The following ADCY2 variants were observed in gnomAD, a reference collection of about 807,000 sequenced individuals.
ADCY2 encodes the protein adenylate cyclase 2, also known as adenylate cyclase type 2.
Under a neutral mutation model 125.2 loss-of-function variants are expected in ADCY2, and 31 were observed. The observed-to-expected ratio is 0.25, with a 90% CI of 0.19 to 0.33. The LOEUF (loss-of-function observed/expected upper bound fraction) is 0.33. Among genes scored for constraint, ADCY2 ranks in the 10% least tolerant of loss-of-function variants. The pLI is 1.00. For missense variants in ADCY2, 904 were observed against 1,418.2 expected (o/e 0.64, Z 5.82); for synonymous variants, 512 against 548.4 (o/e 0.93, Z 0.93).
At chr5:7,775,026 A>T (rs913511350) in intron 18 of ADCY2, among the ~76,000 whole-genome samples, 1 of 151,994 alleles carries the variant, frequency 6.6e-6, no homozygotes, top group East Asian at 1.9e-4. Context: ...TATTTATTTG[A>T]GGCAGAATTT....
At chr5:7,715,554 CTT>C (rs11310324) in intron 11 of ADCY2, among the ~76,000 whole-genome samples, 106 of 145,018 alleles carry the variant, frequency 7.3e-4, no homozygotes, top group East Asian at 2.0e-3. Context: ...GGATTCCTTG[CTT>C]TTTTTTTTTT....
chr5:7,777,696 C>T (rs1456870366), intron 18 of ADCY2, among the ~76,000 whole-genome samples: 1 of 152,228 alleles, frequency 6.6e-6, no homozygotes, highest in Non-Finnish European at 1.5e-5. Flanking sequence ...CTTGGCATTG[C>T]TCATGGGCAA....
At chr5:7,722,238 C>A (rs75744794) in intron 12 of ADCY2, among the ~76,000 whole-genome samples, 4 of 152,116 alleles carry the variant, frequency 2.6e-5, no homozygotes, top group African/African-American at 9.7e-5. Context: ...GATCCTGAGC[C>A]CTTGCCGTCC....
chr5:7,724,504 G>C, intron 12 of ADCY2, 41 bp from the exon 13 acceptor site: 1 of 1,464,102 alleles, frequency 6.8e-7, no homozygotes, highest in Non-Finnish European at 9.6e-7. Context: ...TGTTTGATTG[G>C]AGATTCAGTT....
At chr5:7,757,690 C>G in intron 16 of ADCY2, 104 bp downstream of exon 16, 1 of 1,483,476 alleles carries the variant, frequency 6.7e-7, no homozygotes, top group Non-Finnish European at 9.1e-7. Context: ...ATGGTAAGCC[C>G]CACACCATAG....
chr5:7,620,698 C>T (rs1737924669), intron 3 of ADCY2, among the ~76,000 whole-genome samples: 1 of 152,184 alleles, frequency 6.6e-6, no homozygotes, highest in Admixed American at 6.5e-5. Context: ...TTTCTGTAAG[C>T]CAAATTGGAT....
intron 24 of ADCY2, among the ~76,000 whole-genome samples, chr5:7,825,779 C>A (rs1745457250): frequency 6.6e-6 from 1 of 152,196 alleles, no homozygotes; most frequent in African/African-American, 2.4e-5. Context: ...GCAGCCCAAG[C>A]CCAGGCAGGC....
At chr5:7,686,452 A>G (rs1288190469) in intron 4 of ADCY2, among the ~76,000 whole-genome samples, 1 of 152,236 alleles carries the variant, frequency 6.6e-6, no homozygotes, top group Non-Finnish European at 1.5e-5. Flanking sequence ...GGGATGTGTT[A>G]AATGGAACCC....
intron 3 of ADCY2, among the ~76,000 whole-genome samples, chr5:7,538,718 A>T (rs1002338192): frequency 2.0e-5 from 3 of 152,150 alleles, no homozygotes; most frequent in African/African-American, 7.2e-5. Context: ...ATGCAACATT[A>T]TGTCAATTAG....
At chr5:7,503,944 C>T (rs1004372284) in intron 2 of ADCY2, among the ~76,000 whole-genome samples, 2 of 152,150 alleles carry the variant, frequency 1.3e-5, no homozygotes, top group Non-Finnish European at 2.9e-5. Flanking sequence ...AGCAGACACA[C>T]CCGCTCACTG....
At chr5:7,724,114 CAAAAAAAAAAAAAA>C (rs1272949604) in intron 12 of ADCY2, among the ~76,000 whole-genome samples, 1 of 76,560 alleles carries the variant, frequency 1.3e-5, no homozygotes, top group Non-Finnish European at 2.3e-5. Context: ...TAGAAGCTAA[CAAAAAAAAAAAAAA>C]AAAAAAAAAA....
chr5:7,594,071 T>G (rs2126628526), intron 3 of ADCY2, among the ~76,000 whole-genome samples: 1 of 152,264 alleles, frequency 6.6e-6, no homozygotes, highest in South Asian at 2.1e-4. Context: ...AGGCGCTGAC[T>G]TTTGCTCTGG....
At chr5:7,706,709 T>C in intron 7 of ADCY2, 35 bp from the exon 8 acceptor site, 1 of 1,608,860 alleles carries the variant, frequency 6.2e-7, no homozygotes. Flanking sequence ...ACAGTGGATG[T>C]TACTTGATCA....
intron 22 of ADCY2, among the ~76,000 whole-genome samples, chr5:7,815,249 G>A (rs1283340585): frequency 6.6e-6 from 1 of 152,190 alleles, no homozygotes; most frequent in Non-Finnish European, 1.5e-5. Context: ...CTGCTGTGGA[G>A]ACACAGATTA....
Position 7,464,649 on chromosome 5 carries a change from A to G in ADCY2, c.408+49879A>G, listed in dbSNP as rs571059286. ...GGGGTGGGGTGCAGGGCTCTCTGTTATACTCGATATGCAGTCAAAAAAGTA... is the reference window on the plus strand; with the variant it reads ...GGGGTGGGGTGCAGGGCTCTCTGTTGTACTCGATATGCAGTCAAAAAAGTA... On this transcript the variant is annotated intron_variant, in intron 2 of 24. Transcript: ENST00000338316. Among the ~76,000 whole-genome samples, 11 of 152,258 alleles carry G rather than the reference A, an allele frequency of 7.2e-5. No individual in the cohort carries two copies. The South Asian group carries it at 2.3e-3, about 32-fold the overall frequency.
intron 22 of ADCY2, among the ~76,000 whole-genome samples, chr5:7,810,256 G>A (rs1014260323): frequency 6.6e-6 from 1 of 152,006 alleles, no homozygotes; most frequent in Non-Finnish European, 1.5e-5. Context: ...CTGATTGATG[G>A]GTTATCTACC....
At chr5:7,744,979 CCTGT>C (rs1169208930) in intron 15 of ADCY2, among the ~76,000 whole-genome samples, 9 of 152,194 alleles carry the variant, frequency 5.9e-5, no homozygotes, top group African/African-American at 1.9e-4. Context: ...AGGTTTGTGG[CCTGT>C]CTGTTACCTC....
At chr5:7,761,210 G>A (rs1579403489) in intron 16 of ADCY2, among the ~76,000 whole-genome samples, 1 of 118,914 alleles carries the variant, frequency 8.4e-6, no homozygotes, top group East Asian at 2.7e-4. Flanking sequence ...AGTGCAATGG[G>A]GTGATCTTGG....
At chr5:7,537,615 T>G (rs1420240790) in intron 3 of ADCY2, among the ~76,000 whole-genome samples, 1 of 152,210 alleles carries the variant, frequency 6.6e-6, no homozygotes, top group African/African-American at 2.4e-5. Flanking sequence ...CATCACTTAC[T>G]GCCTGGGGAG....
Sources: allele counts gnomAD v4.1 joint callset (sites outside exome capture counted in the v4.1 genomes callset), GRCh38; gene constraint gnomAD v4.1.1; transcripts MANE v1.5; gene names NCBI Gene and HGNC (gene_info 2026-07-23, HGNC 2026-07-21).